ANKRD36: variants seen among roughly 807,000 people sequenced by gnomAD.
The protein encoded by ANKRD36 is ankyrin repeat domain 36.
Under a neutral mutation model 278.1 loss-of-function variants are expected in ANKRD36, and 179 were observed. That is an observed-to-expected ratio of 0.64 (90% CI 0.57 to 0.73). ANKRD36 has a LOEUF of 0.73. ANKRD36 is among the 30% of genes least tolerant of loss of function. The pLI is 0.00. For missense variants in ANKRD36, 1,159 were observed against 1,956.7 expected (o/e 0.59, Z 7.69); for synonymous variants, 320 against 641.1 (o/e 0.50, Z 7.57).
chr2:97,202,011 T>A (rs1428215089), intron 46 of ANKRD36, among the ~76,000 whole-genome samples, 191 bp from the exon 47 acceptor site: 44 of 151,888 alleles, frequency 2.9e-4, no homozygotes, highest in African/African-American at 9.2e-4. Flanking sequence ...AAGGGTATAT[T>A]TCATGGAGCC....
chr2:97,204,441 T>C (rs931238237), intron 50 of ANKRD36, among the ~76,000 whole-genome samples, 178 bp downstream of exon 50: 23 of 151,658 alleles, frequency 1.5e-4, no homozygotes, highest in African/African-American at 5.6e-4. Context: ...GAACATGATC[T>C]TCACAGTAAG....
intron 14 of ANKRD36, among the ~76,000 whole-genome samples, chr2:97,154,458 G>T (rs1348900612): frequency 1.4e-5 from 2 of 146,722 alleles, no homozygotes; most frequent in Non-Finnish European, 3.1e-5. Flanking sequence ...TAGGTTGGGA[G>T]AAGTGGCAGC....
At chr2:97,260,185 G>A (rs1399159796) in intron 75 of ANKRD36, among the ~76,000 whole-genome samples, 1 of 82,908 alleles carries the variant, frequency 1.2e-5, no homozygotes, top group Non-Finnish European at 2.1e-5. Context: ...GGCAGGTATA[G>A]GCTTACAAAA....
chr2:97,145,400 GT>G (rs939801815), intron 10 of ANKRD36, among the ~76,000 whole-genome samples: 5 of 151,938 alleles, frequency 3.3e-5, no homozygotes, highest in African/African-American at 1.2e-4. Context: ...AGAGATATAT[GT>G]TTTGTTGTTA....
At chr2:97,198,245 A>G (rs1203594194) in intron 42 of ANKRD36, among the ~76,000 whole-genome samples, 1 of 151,930 alleles carries the variant, frequency 6.6e-6, no homozygotes, top group Non-Finnish European at 1.5e-5. Context: ...GACAAATCAT[A>G]CCATGTTTGA....
At chr2:97,183,333 T>C in intron 26 of ANKRD36, 126 bp from the exon 27 acceptor site, 1 of 1,247,420 alleles carries the variant, frequency 8.0e-7, no homozygotes, top group Non-Finnish European at 1.1e-6. Flanking sequence ...AGACACAAAC[T>C]GTAAAACATC....
chr2:97,180,082 A>G lies in ANKRD36; in HGVS notation c.1735+149A>G, dbSNP rs559907826. On this transcript the variant is annotated intron_variant, in intron 24 of 75. Transcript: ENST00000420699. ...TTCATTTGTAGTGAGTTCTCAGGTG[A>G]CCCTGATGCTGCTGGTCCTTGGTCA... 1,642 of 1,138,908 alleles carry G rather than the reference A, an allele frequency of 1.4e-3. 5 individuals are homozygous for G. Among genetic ancestry groups the G allele is most frequent in the Middle Eastern group, 4.1e-3 (14 of 3,444 alleles). The allele number at this position is 1,138,908 out of a possible 1,614,324, so 70.6% of individuals were successfully genotyped here. A position where few individuals can be genotyped will look rare whatever the true frequency, so the allele number is the denominator to read the frequency against.
intron 48 of ANKRD36, among the ~76,000 whole-genome samples, chr2:97,203,488 G>T (rs1223255780): frequency 6.6e-6 from 1 of 151,812 alleles, no homozygotes; most frequent in African/African-American, 2.4e-5. Context: ...CACCATATGG[G>T]GGTGAGAGAT....
At chr2:97,209,906 G>T (rs931022744) in intron 56 of ANKRD36, 34 bp downstream of exon 56, 2 of 1,546,792 alleles carry the variant, frequency 1.3e-6, no homozygotes, top group Non-Finnish European at 1.7e-6. Flanking sequence ...GTCATGTTCA[G>T]TCCAGATAGG....
intron 14 of ANKRD36, among the ~76,000 whole-genome samples, chr2:97,152,801 T>C (rs1298178885): frequency 6.8e-6 from 1 of 147,506 alleles, no homozygotes; most frequent in Non-Finnish European, 1.5e-5. Flanking sequence ...GCTGCCTGGC[T>C]CTCAAATCAC....
chr2:97,151,661 T>C (rs1482968046), intron 12 of ANKRD36, among the ~76,000 whole-genome samples: 1 of 152,312 alleles, frequency 6.6e-6, no homozygotes, highest in African/African-American at 2.4e-5. Flanking sequence ...TCAACATGGG[T>C]TGAAAGGAGT....
chr2:97,229,338 A>G (rs1306318789), intron 67 of ANKRD36, among the ~76,000 whole-genome samples: 2 of 151,880 alleles, frequency 1.3e-5, no homozygotes, highest in Non-Finnish European at 2.9e-5. Context: ...GGGTGCATAT[A>G]TATTTAGGAT....
At chr2:97,191,660 G>A (rs535285139) in intron 36 of ANKRD36, among the ~76,000 whole-genome samples, 10 of 151,774 alleles carry the variant, frequency 6.6e-5, no homozygotes, top group Admixed American at 2.0e-4. Flanking sequence ...AGGAAGGTGG[G>A]AAAAGAGGAA....
intron 60 of ANKRD36, among the ~76,000 whole-genome samples, chr2:97,214,399 T>C (rs938080508): frequency 1.4e-5 from 2 of 147,464 alleles, no homozygotes; most frequent in Non-Finnish European, 3.0e-5. Flanking sequence ...TTGGATAAAA[T>C]AGGTATTTAA....
At position 97,219,291 on chromosome 2, in the gene ANKRD36, A is replaced by G. The variant is rs1457345373; in HGVS notation, c.3877+45A>G. On this transcript the variant is annotated intron_variant, in intron 66 of 75. Transcript: ENST00000420699. The stretch of plus-strand genomic sequence containing the variant: ...TTTAACTCTGGAAAGAAGTACATTA[A>G]TCTGTTTGTAATGCTCATAGTCTTT... 2.7e-6 allele frequency: 4 copies of G among 1,472,938 alleles called. 1 individual carries two copies. Among genetic ancestry groups the G allele is most frequent in the East Asian group, 5.1e-5 (2 of 39,520 alleles). The allele number at this position is 1,472,938 out of a possible 1,614,324, so 91.2% of individuals were successfully genotyped here. A position where few individuals can be genotyped will look rare whatever the true frequency, so the allele number is the denominator to read the frequency against.
At chr2:97,174,290 A>G (rs990351883) in intron 22 of ANKRD36, among the ~76,000 whole-genome samples, 2 of 151,716 alleles carry the variant, frequency 1.3e-5, no homozygotes, top group Non-Finnish European at 2.9e-5. Context: ...TAACTCTTAG[A>G]TTAAGTGAAC....
rs561407540 is a variant in ANKRD36 at position 97,192,982 on chromosome 2, C to G, written c.2378C>G (p.Ala793Gly). 3.2e-6 allele frequency: 5 copies of G among 1,582,224 alleles called. No homozygotes were observed. Among genetic ancestry groups the G allele is most frequent in the Non-Finnish European group, 4.3e-6 (5 of 1,164,204 alleles). The change falls in exon 38 of 76, where the codon GCT becomes GGT. Residue 793 changes from alanine to glycine, a missense_variant and splice_region_variant. Transcript: ENST00000420699. ...VSSQKPPALTATSDEEGSVLS... is the reference protein window; with the variant it reads ...VSSQKPPALTGTSDEEGSVLS... ...TATTTCATTTGAAATTCCATTCAGG[C>G]TACAAGTGACGAGGAAGGTTCTGTT...
chr2:97,174,781 T>C (rs1354028754), intron 22 of ANKRD36, among the ~76,000 whole-genome samples: 2 of 151,996 alleles, frequency 1.3e-5, no homozygotes, highest in Non-Finnish European at 2.9e-5. Flanking sequence ...ATAGCTCTTA[T>C]TATTTTGAAA....
chr2:97,222,598 A>G (rs1395995857), intron 66 of ANKRD36, among the ~76,000 whole-genome samples: 2 of 152,132 alleles, frequency 1.3e-5, no homozygotes, highest in African/African-American at 2.4e-5. Flanking sequence ...GCACCTTTCC[A>G]TATACCTGTT....
Sources: allele counts gnomAD v4.1 joint callset (sites outside exome capture counted in the v4.1 genomes callset), GRCh38; gene constraint gnomAD v4.1.1; transcripts MANE v1.5; gene names NCBI Gene and HGNC (gene_info 2026-07-23, HGNC 2026-07-21).